The following APBA1 variants were observed in gnomAD, a reference collection of about 807,000 sequenced individuals.
The protein encoded by APBA1 is amyloid beta precursor protein binding family A member 1.
In APBA1, 55 loss-of-function variants were observed where a neutral mutation model predicts 86.6. The observed-to-expected ratio is 0.64, with a 90% CI of 0.51 to 0.80. The LOEUF (loss-of-function observed/expected upper bound fraction) is 0.80, where lower values mean the gene tolerates loss of function less well. Among genes scored for constraint, APBA1 ranks in the 30% least tolerant of loss-of-function variants. The probability of loss-of-function intolerance (pLI) is 0.00; values close to 1 mark genes in which losing one functional copy is unlikely to be tolerated. For missense variants in APBA1, 1,090 were observed against 1,183.0 expected, an observed-to-expected ratio of 0.92 and a Z score of 1.15; for synonymous variants, 511 against 493.9, an observed-to-expected ratio of 1.03 and a Z score of -0.46.
intron 1 of APBA1, among the ~76,000 whole-genome samples, chr9:69,607,376 C>A (rs1369543937): frequency 1.3e-5 from 2 of 152,044 alleles, no homozygotes; most frequent in African/African-American, 2.4e-5. Flanking sequence ...TGGGAAGGAC[C>A]CGCCCCCATG....
intron 1 of APBA1, among the ~76,000 whole-genome samples, chr9:69,596,129 A>G (rs1380371835): frequency 6.6e-6 from 1 of 152,072 alleles, no homozygotes; most frequent in Non-Finnish European, 1.5e-5. Context: ...CTAGTACTAC[A>G]GGCATGCAGA....
intron 1 of APBA1, among the ~76,000 whole-genome samples, chr9:69,633,753 C>T (rs554473222): frequency 6.6e-6 from 1 of 152,162 alleles, no homozygotes; most frequent in East Asian, 1.9e-4. Flanking sequence ...TCTAGCAGAA[C>T]CAGAGTTAAA....
At chr9:69,648,694 CT>C (rs1235665840) in intron 1 of APBA1, among the ~76,000 whole-genome samples, 2 of 152,188 alleles carry the variant, frequency 1.3e-5, no homozygotes, top group East Asian at 3.9e-4. Context: ...AATCCAAGCA[CT>C]CTAACTCCTG....
chr9:69,558,802 C>T (rs1370848423), intron 1 of APBA1, among the ~76,000 whole-genome samples: 2 of 152,074 alleles, frequency 1.3e-5, no homozygotes, highest in African/African-American at 4.8e-5. Context: ...CATCATTTAG[C>T]TCCCAATTAC....
Position 69,428,282 on chromosome 9 carries a change from T to A in APBA1, c.*3045A>T, listed in dbSNP as rs527499366. ...CCCTGAAGGCGGTGTTGATGGGCAA[T>A]GTTCAGAAAGCAAACCCGTGCACAG... On this transcript the variant is annotated 3_prime_UTR_variant, in exon 13 of 13. Coordinates refer to ENST00000265381, the MANE Select transcript of APBA1 (RefSeq NM_001163.4). 2 of 152,244 alleles carry A rather than the reference T, an allele frequency of 1.3e-5. No individual in the cohort carries two copies. The highest frequency in any genetic ancestry group is 2.9e-5 in the Non-Finnish European group (2 of 68,110). 9.4% of individuals were successfully genotyped at this position (152,244 alleles called of 1,614,324 possible).
At chr9:69,577,743 C>T (rs1433857765) in intron 1 of APBA1, among the ~76,000 whole-genome samples, 1 of 152,184 alleles carries the variant, frequency 6.6e-6, no homozygotes, top group African/African-American at 2.4e-5. Context: ...AAAGAATGCT[C>T]ATCCTTTAGC....
At chr9:69,540,645 G>T (rs930638799) in intron 1 of APBA1, among the ~76,000 whole-genome samples, 6 of 152,100 alleles carry the variant, frequency 3.9e-5, no homozygotes, top group African/African-American at 1.2e-4. Context: ...TGTCACTCAG[G>T]CTGGACTGCA....
In APBA1 at chr9:69,501,629, AACACACACACACACACAC is replaced by A. The variant is rs57033911; in HGVS notation, c.1200+14364_1200+14381del. Among the ~76,000 whole-genome samples the A allele has an allele frequency of 4.5e-3, 637 of 142,176 alleles. 5 individuals are homozygous for A. The highest frequency in any genetic ancestry group is 0.022 in the Middle Eastern group (6 of 274). 93.3% of individuals were successfully genotyped at this position (142,176 alleles called of 152,430 possible). ...ACATAACAAGACTCTGTCTCTACAAAACACACACACACACACACACACACACACACACACACACACACA... is the reference window on the plus strand; with the variant it reads ...ACATAACAAGACTCTGTCTCTACAAAACACACACACACACACACACACACA... On this transcript the variant is annotated intron_variant, in intron 2 of 12. Transcript: ENST00000265381.
chr9:69,516,067 G>T lies in APBA1; in HGVS notation c.1144C>A (p.Arg382Ser). Residue 382 changes from arginine (R) to serine (S), a missense_variant, in exon 2 of 13, where the codon CGC becomes AGC. Around this residue, in one of 6 missense-constraint regions of APBA1, gnomAD observed 678 missense variants for 647.1 expected, o/e 1.05. Coordinates refer to ENST00000265381, the MANE Select transcript of APBA1 (RefSeq NM_001163.4). The surrounding 1 kb of genome is among the most constrained non-coding windows in gnomAD (Gnocchi z 7.3). ...TCCCTGGTGGGGCTAATGTCCTGGC[G>T]CATGACCCAGATGGGCTCTTTGGGC... ...DEPKEPIWVM[R>S]QDISPTRDCD... is the part of the protein sequence containing the mutation. 1 of 1,612,380 alleles carries T rather than the reference G, an allele frequency of 6.2e-7. No homozygotes were observed. The highest frequency in any genetic ancestry group is 8.5e-7 in the Non-Finnish European group (1 of 1,179,024).
chr9:69,517,395 A>T (rs979304668), intron 1 of APBA1, 116 bp from the exon 2 acceptor site: 3 of 1,061,018 alleles, frequency 2.8e-6, no homozygotes, highest in Non-Finnish European at 3.7e-6. Flanking sequence ...TGGGTCAATT[A>T]AAAAAAGACT....
intron 5 of APBA1, among the ~76,000 whole-genome samples, chr9:69,459,511 C>T (rs1263168123): frequency 6.6e-6 from 1 of 152,190 alleles, no homozygotes; most frequent in Non-Finnish European, 1.5e-5. Context: ...TAAATTGATC[C>T]TTTCATTGTT....
chr9:69,570,523 A>C (rs1333565484), intron 1 of APBA1, among the ~76,000 whole-genome samples: 3 of 152,130 alleles, frequency 2.0e-5, no homozygotes, highest in African/African-American at 7.2e-5. Flanking sequence ...TCTTTTTCTG[A>C]TATTTAGAGA....
chr9:69,491,461 G>A (rs1364623512), intron 2 of APBA1, among the ~76,000 whole-genome samples: 1 of 151,944 alleles, frequency 6.6e-6, no homozygotes, highest in Admixed American at 6.6e-5. Context: ...GTCATGGGGT[G>A]GGGGGAGGTG....
At chr9:69,545,704 A>G (rs1418138831) in intron 1 of APBA1, among the ~76,000 whole-genome samples, 1 of 152,224 alleles carries the variant, frequency 6.6e-6, no homozygotes, top group Non-Finnish European at 1.5e-5. Flanking sequence ...TTTAAAATGC[A>G]CATATGTAAG....
intron 11 of APBA1, among the ~76,000 whole-genome samples, chr9:69,433,601 AACAAGT>A (rs576064880): frequency 1.2e-4 from 19 of 152,180 alleles, no homozygotes; most frequent in Non-Finnish European, 2.6e-4. Context: ...GAACAAAGCA[AACAAGT>A]ACAAGTACAA....
At chr9:69,520,320 T>C (rs1004149080) in intron 1 of APBA1, among the ~76,000 whole-genome samples, 1 of 152,102 alleles carries the variant, frequency 6.6e-6, no homozygotes, top group African/African-American at 2.4e-5. Flanking sequence ...ATTGTGGGAG[T>C]ATATTATTGG....
At chr9:69,524,932 A>G (rs1372678350) in intron 1 of APBA1, among the ~76,000 whole-genome samples, 2 of 152,262 alleles carry the variant, frequency 1.3e-5, no homozygotes, top group Non-Finnish European at 2.9e-5. Flanking sequence ...CAACATATGC[A>G]AATCAATAAA....
chr9:69,642,631 AAGAG>A (rs956569874), intron 1 of APBA1, among the ~76,000 whole-genome samples: 351 of 151,612 alleles, frequency 2.3e-3, no homozygotes, highest in African/African-American at 7.9e-3. Context: ...GTTTTTGTGA[AAGAG>A]AGAGAGAGAG....
At chr9:69,636,922 GGAAAGAAAGAAAGAAAGAAA>G (rs1164309911) in intron 1 of APBA1, among the ~76,000 whole-genome samples, 46 of 63,964 alleles carry the variant, frequency 7.2e-4, no homozygotes, top group African/African-American at 2.8e-3. Context: ...AAGGAAGGAA[GGAAAGAAAGAAAGAAAGAAA>G]GAAAGAAAGA....
Sources: allele counts gnomAD v4.1 joint callset (sites outside exome capture counted in the v4.1 genomes callset), GRCh38; gene constraint gnomAD v4.1.1; regional missense constraint gnomAD v4.1.1; non-coding constraint Gnocchi (gnomAD v3.1); transcripts MANE v1.5; gene names NCBI Gene and HGNC (gene_info 2026-07-23, HGNC 2026-07-21).